The following PXDNL variants were observed in gnomAD, a reference collection of about 807,000 sequenced individuals.
The protein encoded by PXDNL is probable oxidoreductase PXDNL.
PXDNL carries 145 observed loss-of-function variants against 150.8 expected under a neutral mutation model. The ratio of observed to expected loss-of-function variants is 0.96; its 90% CI spans 0.84 to 1.10. The LOEUF (loss-of-function observed/expected upper bound fraction) is 1.10, where lower values mean the gene tolerates loss of function less well. Ranked by LOEUF, PXDNL falls within the 50% of genes least tolerant of loss-of-function variation. The pLI, the probability that PXDNL is intolerant of heterozygous loss-of-function variation, is 0.00. For synonymous variants in PXDNL, 757 were observed against 725.7 expected, an observed-to-expected ratio of 1.04 and a Z score of -0.69; for missense variants, 2,087 against 1,873.9, an observed-to-expected ratio of 1.11 and a Z score of -2.10.
At chr8:51,472,900 A>G (rs1298839132) in intron 7 of PXDNL, among the ~76,000 whole-genome samples, 2 of 152,212 alleles carry the variant, frequency 1.3e-5, no homozygotes, top group Admixed American at 6.5e-5. Flanking sequence ...TAAATTATAA[A>G]GAACAATGTA....
intron 12 of PXDNL, among the ~76,000 whole-genome samples, chr8:51,430,132 C>T (rs1809216086): frequency 6.6e-6 from 1 of 152,182 alleles, no homozygotes; most frequent in Non-Finnish European, 1.5e-5. Context: ...TTGCTCATTA[C>T]CACAAGCTGT....
chr8:51,468,544 A>G (rs1358251265), intron 8 of PXDNL, among the ~76,000 whole-genome samples: 1 of 151,968 alleles, frequency 6.6e-6, no homozygotes, highest in Admixed American at 6.6e-5. Context: ...AAAATTCAAT[A>G]TTATGTCTTC....
At chr8:51,519,558 A>C (rs1811615306) in intron 4 of PXDNL, among the ~76,000 whole-genome samples, 1 of 152,188 alleles carries the variant, frequency 6.6e-6, no homozygotes, top group Non-Finnish European at 1.5e-5. Flanking sequence ...TTCCTGAAGA[A>C]AATGGAGAAA....
chr8:51,325,067 T>C (rs1585999998), intron 21 of PXDNL, among the ~76,000 whole-genome samples: 2 of 152,136 alleles, frequency 1.3e-5, no homozygotes, highest in South Asian at 4.1e-4. Context: ...GGTTTCACCA[T>C]GTTGGTCAGA....
chr8:51,473,647 G>C (rs188053844), intron 7 of PXDNL, among the ~76,000 whole-genome samples: 1 of 151,520 alleles, frequency 6.6e-6, no homozygotes, highest in Non-Finnish European at 1.5e-5. Context: ...AATGTTAAAT[G>C]ATGAGTTAAT....
chr8:51,736,728 G>A (rs548872826), intron 1 of PXDNL, among the ~76,000 whole-genome samples: 2 of 152,168 alleles, frequency 1.3e-5, no homozygotes, highest in South Asian at 4.2e-4. Flanking sequence ...AGACCTTTGT[G>A]GTACATAAGG....
chr8:51,332,399 G>C (rs914855809), intron 21 of PXDNL, among the ~76,000 whole-genome samples: 1 of 152,030 alleles, frequency 6.6e-6, no homozygotes, highest in East Asian at 1.9e-4. Flanking sequence ...ACCAACCCTG[G>C]TAATATGACA....
chr8:51,748,771 TC>T (rs950768267), intron 1 of PXDNL, among the ~76,000 whole-genome samples: 17 of 152,132 alleles, frequency 1.1e-4, no homozygotes, highest in Admixed American at 1.1e-3. Flanking sequence ...CGTGGGTCTT[TC>T]CCCCTGGTTC....
chr8:51,413,171 G>A lies in PXDNL; in HGVS notation c.1883C>T (p.Thr628Ile), dbSNP rs113122662. Residue 628 changes from threonine (T) to isoleucine (I), a missense_variant, in exon 15 of 23, where the codon ACA becomes ATA. By Grantham distance (89) the Thr-to-Ile change is moderately conservative (BLOSUM62 -1). Coordinates refer to ENST00000356297, the MANE Select transcript of PXDNL (RefSeq NM_144651.5). ...TTACTGTGAAAACAAATGTCTTCGT[G>A]TGGAGTTAATTGCACTGTCAACTCT... ...VQRVDSAINSTRRHLFSQKPH... is the reference protein window; with the variant it reads ...VQRVDSAINSIRRHLFSQKPH... 29 of 1,599,054 alleles carry A rather than the reference G, an allele frequency of 1.8e-5. No homozygotes were observed. In the African/African-American group the frequency reaches 2.0e-4, roughly 11 times the overall value.
intron 4 of PXDNL, among the ~76,000 whole-genome samples, chr8:51,502,729 T>A (rs930938773): frequency 2.6e-5 from 4 of 152,102 alleles, no homozygotes; most frequent in African/African-American, 9.7e-5. Flanking sequence ...AAAACTTGAG[T>A]TTAGCATAAG....
chr8:51,364,704 C>G (rs182306627), intron 19 of PXDNL, among the ~76,000 whole-genome samples: 20 of 152,240 alleles, frequency 1.3e-4, no homozygotes, highest in Non-Finnish European at 2.9e-5. Flanking sequence ...CAGTCAGAAA[C>G]AGAACACGGA....
chr8:51,320,241 T>C (rs1390325936), intron 22 of PXDNL, among the ~76,000 whole-genome samples: 1 of 152,228 alleles, frequency 6.6e-6, no homozygotes, highest in East Asian at 1.9e-4. Context: ...AAATGTTACC[T>C]ACCTTACTGT....
At chr8:51,662,222 CA>C (rs373341221) in intron 1 of PXDNL, among the ~76,000 whole-genome samples, 1 of 152,014 alleles carries the variant, frequency 6.6e-6, no homozygotes, top group South Asian at 2.1e-4. Context: ...GAAGAAGCAA[CA>C]AAAAATAAAA....
chr8:51,727,406 G>C (rs1041844387), intron 1 of PXDNL, among the ~76,000 whole-genome samples: 5 of 152,152 alleles, frequency 3.3e-5, no homozygotes, highest in African/African-American at 1.2e-4. Context: ...AAAAACGAAT[G>C]AAGTTAAACA....
chr8:51,673,551 A>C lies in PXDNL; in HGVS notation c.165-18791T>G, dbSNP rs145555681. 2.3e-3 allele frequency among the ~76,000 whole-genome samples: 349 copies of C among 152,334 alleles called. 1 individual carries two copies. Among genetic ancestry groups the C allele is most frequent in the Non-Finnish European group, 3.9e-3 (268 of 68,016 alleles). On this transcript the variant is annotated intron_variant, in intron 1 of 22. Transcript: ENST00000356297. The stretch of plus-strand genomic sequence containing the variant: ...GCTGAATAAACATTTTAAGTTTCTA[A>C]ATCAGGAAAATGAATGACCTTGAGA...
intron 21 of PXDNL, among the ~76,000 whole-genome samples, chr8:51,323,426 T>C (rs955699801): frequency 2.0e-5 from 3 of 152,068 alleles, no homozygotes; most frequent in African/African-American, 7.2e-5. Flanking sequence ...ACCACTGGTG[T>C]ATGCCACCAC....
chr8:51,374,845 G>T (rs1019843974), intron 17 of PXDNL, 114 bp from the exon 18 acceptor site: 1 of 1,232,894 alleles, frequency 8.1e-7, no homozygotes, highest in East Asian at 2.6e-5. Context: ...AAGAAAAGTA[G>T]ATATGATTAC....
chr8:51,478,676 T>C (rs1179444987), intron 6 of PXDNL, among the ~76,000 whole-genome samples: 2 of 152,222 alleles, frequency 1.3e-5, no homozygotes, highest in African/African-American at 2.4e-5. Context: ...TTCTCTGCCC[T>C]CACAAGCTAT....
At chr8:51,727,822 C>T (rs1302363416) in intron 1 of PXDNL, among the ~76,000 whole-genome samples, 1 of 152,216 alleles carries the variant, frequency 6.6e-6, no homozygotes, top group Non-Finnish European at 1.5e-5. Context: ...CCTCTGAAAG[C>T]TCAGTGCTCA....
Sources: allele counts gnomAD v4.1 joint callset (sites outside exome capture counted in the v4.1 genomes callset), GRCh38; gene constraint gnomAD v4.1.1; transcripts MANE v1.5; gene names NCBI Gene and HGNC (gene_info 2026-07-23, HGNC 2026-07-21).